MKLN1: variants seen among roughly 807,000 people sequenced by gnomAD.
The protein encoded by MKLN1 is muskelin.
A neutral mutation model predicts 99.0 loss-of-function variants in MKLN1; 18 were observed. The observed-to-expected ratio is 0.18, with a 90% CI of 0.13 to 0.27. MKLN1 has a LOEUF of 0.27. Among genes scored for constraint, MKLN1 ranks in the 10% least tolerant of loss-of-function variants. The pLI, the probability that MKLN1 is intolerant of heterozygous loss-of-function variation, is 1.00. For missense variants in MKLN1, 621 were observed against 875.9 expected, an observed-to-expected ratio of 0.71 and a Z score of 3.67; for synonymous variants, 288 against 293.2, an observed-to-expected ratio of 0.98 and a Z score of 0.18.
At position 131,150,176 on chromosome 7, in the gene MKLN1, A is replaced by G. The variant is rs563117199; in HGVS notation, c.-297+7235A>G. On this transcript the variant is annotated intron_variant, in intron 2 of 7. Coordinates refer to the MKLN1 transcript ENST00000416992. ...GTACTAGGCACCAAGGACTGTTACA[A>G]ACGCTCTCAATCACCATTGTTCATA... Among the ~76,000 whole-genome samples the G allele has an allele frequency of 1.4e-4, 22 of 152,284 alleles. No individual in the cohort carries two copies. The South Asian group carries it at 4.4e-3, about 30-fold the overall frequency.
chr7:131,176,725 C>T (rs1263900662), intron 2 of MKLN1, among the ~76,000 whole-genome samples: 4 of 152,188 alleles, frequency 2.6e-5, no homozygotes, highest in Non-Finnish European at 1.5e-5. Context: ...GTTTCTTTTC[C>T]TGCAAATAAC....
At chr7:131,380,101 G>A (rs937636774) in intron 2 of MKLN1, among the ~76,000 whole-genome samples, 2 of 152,132 alleles carry the variant, frequency 1.3e-5, no homozygotes, top group African/African-American at 2.4e-5. Context: ...AAGAGTGAGC[G>A]TGAACCAGAA....
At chr7:131,396,005 T>G (rs140408463) in intron 4 of MKLN1, among the ~76,000 whole-genome samples, 1 of 151,216 alleles carries the variant, frequency 6.6e-6, no homozygotes, top group Admixed American at 6.6e-5. Context: ...TTATTGTAGG[T>G]ATAGGAAAAG....
chr7:131,376,128 A>G (rs374297128), intron 2 of MKLN1, among the ~76,000 whole-genome samples: 2,167 of 5,032 alleles, frequency 0.43, 76 homozygotes, highest in Middle Eastern at 0.75. Context: ...ATATATATAT[A>G]TATATATGTA....
chr7:131,382,801 G>A (rs558552942), intron 2 of MKLN1, among the ~76,000 whole-genome samples: 2 of 152,198 alleles, frequency 1.3e-5, no homozygotes, highest in Non-Finnish European at 1.5e-5. Flanking sequence ...TTGGCTCACT[G>A]CAAGCTCCGC....
At chr7:131,270,775 TA>T (rs1797872704) in intron 3 of MKLN1, among the ~76,000 whole-genome samples, 1 of 152,142 alleles carries the variant, frequency 6.6e-6, no homozygotes, top group East Asian at 1.9e-4. Context: ...AGAAAGGTTC[TA>T]AATAAATGTT....
At position 131,349,418 on chromosome 7, in the gene MKLN1, A is replaced by G. The variant is rs141086125; in HGVS notation, c.98+21421A>G. ...CACCATGTTGACCAGGATGGTCTCT[A>G]TCTGTTGACCTTGTGATCCACCTGC... On this transcript the variant is annotated intron_variant, in intron 1 of 17. Coordinates refer to ENST00000352689, the MANE Select transcript of MKLN1 (RefSeq NM_013255.5). 3.2e-3 allele frequency among the ~76,000 whole-genome samples: 486 copies of G among 152,242 alleles called. 8 individuals are homozygous for G. The East Asian group carries it at 0.044, about 14-fold the overall frequency.
intron 8 of MKLN1, among the ~76,000 whole-genome samples, chr7:131,417,617 A>G (rs1440471692): frequency 6.6e-6 from 1 of 152,220 alleles, no homozygotes; most frequent in Non-Finnish European, 1.5e-5. Flanking sequence ...GAGATGGCAT[A>G]TAAAACATTT....
intron 2 of MKLN1, among the ~76,000 whole-genome samples, chr7:131,164,072 A>G: frequency 6.6e-6 from 1 of 152,178 alleles, no homozygotes; most frequent in Non-Finnish European, 1.5e-5. Flanking sequence ...AATGTTGCTA[A>G]GAGCTTTTAA....
chr7:131,237,036 T>C (rs1797332631), intron 3 of MKLN1, among the ~76,000 whole-genome samples: 2 of 152,148 alleles, frequency 1.3e-5, no homozygotes, highest in East Asian at 1.9e-4. Flanking sequence ...ACAGTCTGGT[T>C]CCCCCCAAGC....
rs184181676 is a variant in MKLN1, at chr7:131,237,629, C to T, written c.-179+34655C>T. 1.4e-3 allele frequency among the ~76,000 whole-genome samples: 211 copies of T among 152,184 alleles called. 1 individual carries two copies. Among genetic ancestry groups the T allele is most frequent in the Non-Finnish European group, 2.2e-3 (153 of 68,016 alleles). ...GTCCTGACTAAGTGGGGCAATTGGT[C>T]CATCAAGGGCTGGTCAGTGTGTGCC... On this transcript the variant is annotated intron_variant, in intron 3 of 7. Coordinates refer to the MKLN1 transcript ENST00000416992.
intron 3 of MKLN1, among the ~76,000 whole-genome samples, chr7:131,230,205 C>G (rs1219627589): frequency 6.6e-6 from 1 of 152,082 alleles, no homozygotes; most frequent in Non-Finnish European, 1.5e-5. Context: ...GTCTTATGGT[C>G]TCTATTTTAA....
rs534302378 is a variant in MKLN1, at chr7:131,379,290, A to G, written c.168+3797A>G. ...TACACACTCAAAGATAACTAAGTAT[A>G]TAGCAGAAAGTAAGATACTTTAAGA... On this transcript the variant is annotated intron_variant, in intron 2 of 17. Coordinates refer to ENST00000352689, the MANE Select transcript of MKLN1 (RefSeq NM_013255.5). 2.6e-5 allele frequency among the ~76,000 whole-genome samples: 4 copies of G among 152,356 alleles called. No homozygotes were observed. The South Asian group carries it at 8.3e-4, about 32-fold the overall frequency.
At chr7:131,423,875 G>C (rs1000005063) in intron 8 of MKLN1, among the ~76,000 whole-genome samples, 2 of 152,188 alleles carry the variant, frequency 1.3e-5, no homozygotes, top group Non-Finnish European at 2.9e-5. Context: ...CAGCCTTTTA[G>C]TAAGGAAAGT....
At position 131,487,697 on chromosome 7, in the gene MKLN1, A is replaced by C; in HGVS notation, c.2177A>C (p.Lys726Thr). 6.2e-7 allele frequency: 1 copy of C among 1,613,072 alleles called. No individual in the cohort carries two copies. The highest frequency in any genetic ancestry group is 8.5e-7 in the Non-Finnish European group (1 of 1,179,332). The change falls in exon 18 of 18, where the codon AAA (lysine) becomes ACA (threonine). Residue 726 changes from lysine to threonine, a missense_variant. By Grantham distance (78) the Lys-to-Thr change is moderately conservative. Transcript: ENST00000352689. The surrounding 1 kb of genome is among the most constrained non-coding windows in gnomAD (Gnocchi z 4.7). ...NFFPDSMTPP[K>T]GNLVDLITL ...TTTCCTGACAGCATGACTCCTCCTA[A>C]AGGCAACCTGGTAGACCTCATCACA...
At chr7:131,150,740 C>G (rs1256211996) in intron 2 of MKLN1, among the ~76,000 whole-genome samples, 1 of 151,944 alleles carries the variant, frequency 6.6e-6, no homozygotes, top group Non-Finnish European at 1.5e-5. Context: ...TAAATCTACC[C>G]ATGATTTCTC....
intron 3 of MKLN1, among the ~76,000 whole-genome samples, chr7:131,239,170 T>C (rs972685441): frequency 2.0e-5 from 3 of 152,206 alleles, no homozygotes; most frequent in African/African-American, 4.8e-5. Flanking sequence ...TAAAACTTTT[T>C]ATTTCATTTA....
chr7:131,362,840 T>C (rs925971014), intron 1 of MKLN1, among the ~76,000 whole-genome samples: 4 of 151,764 alleles, frequency 2.6e-5, no homozygotes, highest in African/African-American at 4.8e-5. Context: ...TCCTTGTTTC[T>C]GAAAAAAAAA....
chr7:131,255,119 A>T (rs895070332), intron 3 of MKLN1, among the ~76,000 whole-genome samples: 1 of 152,016 alleles, frequency 6.6e-6, no homozygotes, highest in African/African-American at 2.4e-5. Flanking sequence ...TTTAAAAAAA[A>T]TTTTGTGGAG....
Sources: gnomAD v4.1 joint callset for allele counts (sites outside exome capture counted in the v4.1 genomes callset) on GRCh38, gnomAD v4.1.1 for gene constraint, Gnocchi (gnomAD v3.1) non-coding constraint, MANE v1.5 for transcripts, NCBI Gene and HGNC (gene_info 2026-07-23, HGNC 2026-07-21) for gene names.